Variants in LRRC8D observed in about 807,000 individuals in gnomAD.
LRRC8D encodes the protein leucine rich repeat containing 8 VRAC subunit D, also known as volume-regulated anion channel subunit LRRC8D.
Under a neutral mutation model 55.8 loss-of-function variants are expected in LRRC8D, and 20 were observed. The observed-to-expected ratio is 0.36, with a 90% CI of 0.25 to 0.52. The LOEUF is 0.52. Ranked by LOEUF, LRRC8D falls within the 20% of genes least tolerant of loss-of-function variation. LRRC8D has a pLI of 0.93. For synonymous variants in LRRC8D, 352 were observed against 377.0 expected (o/e 0.93, Z 0.77); for missense variants, 651 against 1,030.8 (o/e 0.63, Z 5.05).
intron 2 of LRRC8D, among the ~76,000 whole-genome samples, chr1:89,881,594 G>T (rs979121436): frequency 1.3e-5 from 2 of 152,122 alleles, no homozygotes; most frequent in African/African-American, 4.8e-5. Flanking sequence ...ATGGAGAAAA[G>T]AAGAAGCAAG....
chr1:89,863,116 A>T (rs1377112993), intron 2 of LRRC8D, among the ~76,000 whole-genome samples: 1 of 152,172 alleles, frequency 6.6e-6, no homozygotes, highest in East Asian at 1.9e-4. Context: ...TAGCCATTTG[A>T]CTTTGGGCAA....
intron 1 of LRRC8D, among the ~76,000 whole-genome samples, chr1:89,826,544 G>A (rs942256087): frequency 2.8e-4 from 42 of 152,274 alleles, no homozygotes; most frequent in African/African-American, 7.9e-4. Flanking sequence ...GAGCCACCGC[G>A]CCTGGCTACC....
intron 1 of LRRC8D, among the ~76,000 whole-genome samples, chr1:89,840,713 T>C (rs1661112723): frequency 6.6e-6 from 1 of 152,260 alleles, no homozygotes; most frequent in South Asian, 2.1e-4. Flanking sequence ...TAACTGTTTT[T>C]AGATTAATGA....
intron 2 of LRRC8D, among the ~76,000 whole-genome samples, chr1:89,917,532 T>A (rs1319949887): frequency 1.3e-5 from 2 of 152,158 alleles, no homozygotes; most frequent in Non-Finnish European, 2.9e-5. Flanking sequence ...TTCAGTTCTC[T>A]GGTCATTCTT....
chr1:89,875,870 G>A (rs13376361), intron 2 of LRRC8D, among the ~76,000 whole-genome samples: 2,050 of 152,270 alleles, frequency 0.013, 46 homozygotes, highest in African/African-American at 0.047. Flanking sequence ...AGGAACTTCC[G>A]CAAGGTCACA....
intron 1 of LRRC8D, among the ~76,000 whole-genome samples, chr1:89,833,384 C>T (rs538152099): frequency 8.5e-5 from 13 of 152,266 alleles, no homozygotes; most frequent in African/African-American, 2.6e-4. Flanking sequence ...TGTGACAACC[C>T]GCATCCTTGG....
At chr1:89,846,982 C>G (rs1000690103) in intron 2 of LRRC8D, among the ~76,000 whole-genome samples, 1 of 152,132 alleles carries the variant, frequency 6.6e-6, no homozygotes, top group Middle Eastern at 3.2e-3. Context: ...TGCCACTGTG[C>G]GCATCCCCTA....
At chr1:89,889,961 G>A (rs1436710062) in intron 2 of LRRC8D, among the ~76,000 whole-genome samples, 2 of 152,308 alleles carry the variant, frequency 1.3e-5, no homozygotes, top group South Asian at 4.1e-4. Context: ...GCCGAGGTGG[G>A]TGGATCACGA....
intron 1 of LRRC8D, among the ~76,000 whole-genome samples, chr1:89,839,658 A>G (rs6680244): frequency 0.96 from 146,127 of 152,266 alleles, 70,386 homozygotes; most frequent in Middle Eastern, 1. Flanking sequence ...TTTTGCAGAG[A>G]CCAGGAAGTG....
chr1:89,843,775 T>G lies in LRRC8D; in HGVS notation c.-10T>G, dbSNP rs1661200682. ...GCCCTGAGAGAACAGGGTGGCCGCTTGGTCCAGGTGCGCGGGGTCGGGTCT... is the reference window on the plus strand; with the variant it reads ...GCCCTGAGAGAACAGGGTGGCCGCTGGGTCCAGGTGCGCGGGGTCGGGTCT... On this transcript the variant is annotated 5_prime_UTR_variant, in exon 2 of 3. Transcript: ENST00000337338. 2.9e-6 allele frequency: 2 copies of G among 684,576 alleles called. No individual in the cohort carries two copies. Among genetic ancestry groups the G allele is most frequent in the African/African-American group, 3.5e-5 (2 of 56,624 alleles). 42.4% of individuals were successfully genotyped at this position (684,576 alleles called of 1,614,324 possible).
At chr1:89,918,018 A>G (rs1663317140) in intron 2 of LRRC8D, among the ~76,000 whole-genome samples, 1 of 152,264 alleles carries the variant, frequency 6.6e-6, no homozygotes, top group African/African-American at 2.4e-5. Context: ...AGGAATTTGC[A>G]TAGTGTTAAC....
intron 2 of LRRC8D, among the ~76,000 whole-genome samples, chr1:89,852,792 G>A (rs1415836294): frequency 1.3e-5 from 2 of 152,156 alleles, no homozygotes; most frequent in African/African-American, 4.8e-5. Flanking sequence ...AACAGCCCAG[G>A]TTCAGAGCCC....
chr1:89,860,785 A>AAAAAAAAAAT (rs1553123917), intron 2 of LRRC8D, among the ~76,000 whole-genome samples: 5 of 28,196 alleles, frequency 1.8e-4, no homozygotes, highest in Non-Finnish European at 2.2e-4. Flanking sequence ...AAAAAAAAAA[A>AAAAAAAAAAT]ATATATATAT....
rs1312415563 is a variant in LRRC8D, at chr1:89,916,334, TTAAA to T, written c.-2-16727_-2-16724del. Among the ~76,000 whole-genome samples the T allele has an allele frequency of 5.3e-5, 8 of 152,350 alleles. No homozygotes were observed. The East Asian group carries it at 7.7e-4, about 15-fold the overall frequency. ...AGATGCTAAGTACTTAGAAACAGAATTAAATAAATCAAATGTGAATAAAACATTT... is the reference window on the plus strand; with the variant it reads ...AGATGCTAAGTACTTAGAAACAGAATTAAATCAAATGTGAATAAAACATTT... On this transcript the variant is annotated intron_variant, in intron 2 of 2. Transcript: ENST00000337338.
At chr1:89,914,774 T>TA (rs1663219541) in intron 2 of LRRC8D, among the ~76,000 whole-genome samples, 1 of 151,984 alleles carries the variant, frequency 6.6e-6, no homozygotes, top group East Asian at 1.9e-4. Context: ...GATGGGGTCT[T>TA]ACTATGTTCC....
chr1:89,872,555 T>A (rs1662047800), intron 2 of LRRC8D, among the ~76,000 whole-genome samples: 1 of 152,226 alleles, frequency 6.6e-6, no homozygotes, highest in South Asian at 2.1e-4. Context: ...CCAGCTTTGG[T>A]TTCTTCATTT....
intron 2 of LRRC8D, among the ~76,000 whole-genome samples, chr1:89,844,384 A>C (rs1661220901): frequency 6.6e-6 from 1 of 152,196 alleles, no homozygotes; most frequent in Non-Finnish European, 1.5e-5. Context: ...AACAGAGGGA[A>C]TTAATGATGC....
Position 89,934,200 on chromosome 1 carries a change from T to G in LRRC8D, c.1132T>G (p.Phe378Val). 1 of 1,614,124 alleles carries G rather than the reference T, an allele frequency of 6.2e-7. No individual in the cohort carries two copies. The highest frequency in any genetic ancestry group is 8.5e-7 in the Non-Finnish European group (1 of 1,179,996). Reference protein sequence around the residue: ...SYISIICVYGFICLYTLFWLF... With the variant: ...SYISIICVYGVICLYTLFWLF... The stretch of plus-strand genomic sequence containing the variant: ...CATATCCATTATTTGTGTTTATGGC[T>G]TTATCTGCCTCTACACTCTCTTCTG... The change falls in exon 3 of 3, where the codon TTT becomes GTT. Residue 378 changes from phenylalanine to valine, a missense_variant. This residue lies in a region of LRRC8D where 178 missense variants were observed against 374.9 expected (regional missense o/e 0.47). Coordinates refer to ENST00000337338, the MANE Select transcript of LRRC8D (RefSeq NM_001134479.2). The surrounding 1 kb of genome is among the most constrained non-coding windows in gnomAD (Gnocchi z 5.9).
intron 2 of LRRC8D, among the ~76,000 whole-genome samples, chr1:89,848,615 T>C (rs1661336513): frequency 6.6e-6 from 1 of 152,214 alleles, no homozygotes; most frequent in Admixed American, 6.5e-5. Context: ...ACCATATTTT[T>C]CAGGCATTGA....
Sources: gnomAD v4.1 joint callset for allele counts (sites outside exome capture counted in the v4.1 genomes callset) on GRCh38, gnomAD v4.1.1 for gene constraint, gnomAD v4.1.1 regional missense constraint, Gnocchi (gnomAD v3.1) non-coding constraint, MANE v1.5 for transcripts, NCBI Gene and HGNC (gene_info 2026-07-23, HGNC 2026-07-21) for gene names.